The following AIG1 variants were observed in gnomAD, a reference collection of about 807,000 sequenced individuals.
The protein encoded by AIG1 is androgen induced 1.
AIG1 carries 23 observed loss-of-function variants against 31.4 expected under a neutral mutation model. The observed-to-expected ratio is 0.73, with a 90% CI of 0.53 to 1.04. The LOEUF (loss-of-function observed/expected upper bound fraction) is 1.04. AIG1 is among the 50% of genes least tolerant of loss of function. The pLI is 0.00. For missense variants in AIG1, 274 were observed against 295.0 expected (o/e 0.93, Z 0.52); for synonymous variants, 100 against 110.5 (o/e 0.90, Z 0.60).
chr6:143,255,274 A>G (rs899300965), intron 3 of AIG1, among the ~76,000 whole-genome samples: 1 of 152,374 alleles, frequency 6.6e-6, no homozygotes, highest in Admixed American at 6.5e-5. Context: ...TAAGGCTGCC[A>G]TAACAAAAGA....
rs1777027939 is a variant in AIG1, at chr6:143,330,993, C to T, written c.516-2289C>T. 6.6e-6 allele frequency among the ~76,000 whole-genome samples: 1 copy of T among 151,364 alleles called. No homozygotes were observed. Among genetic ancestry groups the T allele is most frequent in the Non-Finnish European group, 1.5e-5 (1 of 68,022 alleles). On this transcript the variant is annotated intron_variant, in intron 4 of 5. Transcript: ENST00000357847. The surrounding 1 kb of genome is among the most constrained non-coding windows in gnomAD (Gnocchi z 4.4). ...TTTTCTAACAGAATCTTTGGACTAACATGGCCTCTTTTTTTGATACAAATA... is the reference window on the plus strand; with the variant it reads ...TTTTCTAACAGAATCTTTGGACTAATATGGCCTCTTTTTTTGATACAAATA...
intron 4 of AIG1, among the ~76,000 whole-genome samples, chr6:143,320,337 A>G (rs1161833543): frequency 6.6e-6 from 1 of 152,234 alleles, no homozygotes; most frequent in Non-Finnish European, 1.5e-5. Context: ...CAGAACTACC[A>G]TATGATCCAG....
chr6:143,234,984 C>T (rs960638777), intron 3 of AIG1, among the ~76,000 whole-genome samples: 5 of 151,698 alleles, frequency 3.3e-5, no homozygotes, highest in South Asian at 4.2e-4. Context: ...CTTCCTGGGG[C>T]GGGGGTGGAG....
chr6:143,169,402 A>G (rs373690186), intron 3 of AIG1, among the ~76,000 whole-genome samples: 1 of 152,200 alleles, frequency 6.6e-6, no homozygotes. Context: ...AATCAGGGTA[A>G]TTAGCATATA....
downstream of AIG1, among the ~76,000 whole-genome samples, chr6:143,341,412 AC>A (rs142409979): frequency 7.6e-3 from 1,158 of 151,988 alleles, 36 homozygotes; most frequent in Admixed American, 0.048. Context: ...TGAACCCGTA[AC>A]CCCTAGTGCC....
chr6:143,126,801 A>G lies in AIG1; in HGVS notation c.142-10034A>G, dbSNP rs537027755. Among the ~76,000 whole-genome samples the G allele has an allele frequency of 2.0e-5, 3 of 152,316 alleles. No individual in the cohort carries two copies. The East Asian group carries it at 5.8e-4, about 29-fold the overall frequency. On this transcript the variant is annotated intron_variant, in intron 1 of 5. Transcript: ENST00000357847. ...GAATGTGCTACTTTCATTTCTGCAT[A>G]TGACAAACTACTCTCTCTTTTATGT...
intron 1 of AIG1, among the ~76,000 whole-genome samples, chr6:143,062,565 T>C (rs1340616280): frequency 3.3e-5 from 5 of 152,180 alleles, no homozygotes; most frequent in East Asian, 1.9e-4. Context: ...GAAAGTCTTA[T>C]TGGGTTGATT....
At chr6:143,095,508 C>G (rs1464017364) in intron 1 of AIG1, among the ~76,000 whole-genome samples, 4 of 152,018 alleles carry the variant, frequency 2.6e-5, no homozygotes, top group African/African-American at 9.7e-5. Context: ...CAGAAAATTA[C>G]CTAGTAAGGA....
At position 143,288,677 on chromosome 6, in the gene AIG1, A is replaced by T. The variant is rs373404947; in HGVS notation, c.515+4452A>T. Among the ~76,000 whole-genome samples, 5 of 152,346 alleles carry T rather than the reference A, an allele frequency of 3.3e-5. No individual in the cohort carries two copies. The East Asian group carries it at 7.7e-4, about 23-fold the overall frequency. On this transcript the variant is annotated intron_variant, in intron 4 of 5. Transcript: ENST00000357847. This position sits in a 1 kb window ranked among gnomAD's most constrained non-coding sequence, Gnocchi z 4.4. ...AAAAAGCAAACTCTGTAAAATATTT[A>T]AAGAGGTTTATTCTGAGGCAATACG...
At chr6:143,183,642 A>G (rs1228620626) in intron 3 of AIG1, among the ~76,000 whole-genome samples, 5 of 152,238 alleles carry the variant, frequency 3.3e-5, no homozygotes, top group African/African-American at 1.2e-4. Flanking sequence ...GAGTAGGCCC[A>G]GCAATAGTAT....
chr6:143,265,509 A>G (rs1399607135), intron 3 of AIG1, among the ~76,000 whole-genome samples: 1 of 151,924 alleles, frequency 6.6e-6, no homozygotes, highest in Non-Finnish European at 1.5e-5. Flanking sequence ...CTGCCCCTCT[A>G]GCTGCCTGGC....
rs140335145 is a variant in AIG1, at chr6:143,141,356, T to TGC, written c.297+4367_297+4368dup. Among the ~76,000 whole-genome samples, 777 of 152,348 alleles carry TGC rather than the reference T, an allele frequency of 5.1e-3. 21 individuals carry two copies. The East Asian group carries it at 0.059, about 12-fold the overall frequency. On this transcript the variant is annotated intron_variant, in intron 2 of 5. Coordinates refer to ENST00000357847, the MANE Select transcript of AIG1 (RefSeq NM_016108.4). ...AGGTTAATTGAGAGTTGACAGTAAT[T>TGC]GCTGTATGTGAGCATGAAGCCCTAA... is the stretch of plus-strand genomic sequence containing the variant.
chr6:143,127,878 G>A (rs1470571645), intron 1 of AIG1, among the ~76,000 whole-genome samples: 1 of 152,014 alleles, frequency 6.6e-6, no homozygotes, highest in Admixed American at 6.6e-5. Context: ...AGTAGAGATG[G>A]AGTTTTACCA....
intron 3 of AIG1, among the ~76,000 whole-genome samples, chr6:143,182,763 A>G (rs2128587369): frequency 6.6e-6 from 1 of 152,348 alleles, no homozygotes; most frequent in Non-Finnish European, 1.5e-5. Context: ...AATACCTAGA[A>G]CAATGCCTGT....
At chr6:143,226,536 AC>A (rs1355345185) in intron 3 of AIG1, among the ~76,000 whole-genome samples, 1 of 151,962 alleles carries the variant, frequency 6.6e-6, no homozygotes, top group Non-Finnish European at 1.5e-5. Flanking sequence ...GAGCCACCAC[AC>A]CCGTCCTCTT....
chr6:143,234,019 C>T (rs1440074175), intron 3 of AIG1, among the ~76,000 whole-genome samples: 4 of 152,124 alleles, frequency 2.6e-5, no homozygotes, highest in Non-Finnish European at 4.4e-5. Context: ...GGTGAGATGC[C>T]GCTGGGAAGC....
chr6:143,190,483 C>T, intron 3 of AIG1: 1 of 985,326 alleles, frequency 1.0e-6, no homozygotes, highest in Non-Finnish European at 1.2e-6. Flanking sequence ...TCTGATCAGA[C>T]AATATCTTCA....
chr6:143,322,883 G>T (rs574721237), intron 4 of AIG1, among the ~76,000 whole-genome samples: 2 of 152,180 alleles, frequency 1.3e-5, no homozygotes, highest in Admixed American at 1.3e-4. Flanking sequence ...TTGCATGTGA[G>T]AAGTACAGAA....
intron 3 of AIG1, among the ~76,000 whole-genome samples, chr6:143,170,679 G>GT (rs1451003379): frequency 1.3e-5 from 2 of 150,624 alleles, no homozygotes; most frequent in Non-Finnish European, 3.0e-5. Context: ...TTAATTTTAG[G>GT]TTTTGTTTGT....
Sources: allele counts gnomAD v4.1 joint callset (sites outside exome capture counted in the v4.1 genomes callset), GRCh38; gene constraint gnomAD v4.1.1; non-coding constraint Gnocchi (gnomAD v3.1); transcripts MANE v1.5; gene names NCBI Gene and HGNC (gene_info 2026-07-23, HGNC 2026-07-21).